Variants in HOXD9 observed in about 807,000 individuals in gnomAD.
HOXD9 encodes the protein homeobox D9, also known as homeobox protein Hox-D9.
HOXD9 carries 21 observed loss-of-function variants against 24.6 expected under a neutral mutation model. The observed-to-expected ratio is 0.85, with a 90% CI of 0.61 to 1.23. The LOEUF (loss-of-function observed/expected upper bound fraction) is 1.23. Among genes scored for constraint, HOXD9 ranks in the 50% most tolerant of loss-of-function variants. HOXD9 has a pLI of 0.00. For missense variants in HOXD9, 503 were observed against 503.6 expected, an observed-to-expected ratio of 1.00 and a Z score of 0.01; for synonymous variants, 240 against 226.4, an observed-to-expected ratio of 1.06 and a Z score of -0.54.
Position 176,124,216 on chromosome 2 carries a change from T to G in HOXD9, c.*41T>G, listed in dbSNP as rs774560342. Reference sequence around the variant, plus strand: ...GCGGGAGCGCTCAAGGGCAGCGGATTTGTTGTTGTTGCTGTTTTCCTTTGT... The same window carrying G: ...GCGGGAGCGCTCAAGGGCAGCGGATGTGTTGTTGTTGCTGTTTTCCTTTGT... On this transcript the variant is annotated 3_prime_UTR_variant, in exon 2 of 2. Transcript: ENST00000249499. 1 of 1,542,592 alleles carries G rather than the reference T, an allele frequency of 6.5e-7. No individual in the cohort carries two copies. Among genetic ancestry groups the G allele is most frequent in the South Asian group, 1.3e-5 (1 of 79,644 alleles).
At position 176,123,026 on chromosome 2, in the gene HOXD9, C is replaced by T. The variant is rs1303592974; in HGVS notation, c.258C>T (p.Pro86=). The change falls in exon 1 of 2, where the codon CCC becomes CCT. Residue 86 remains proline (P), a synonymous_variant. Transcript: ENST00000249499. The surrounding 1 kb of genome is among the most constrained non-coding windows in gnomAD (Gnocchi z 4.2). ...SASWSAVPSQ[P]PAAAAMSGLY... Reference sequence around the variant, plus strand: ...CGTGGTCCGCGGTGCCCTCCCAGCCCCCGGCAGCGGCGGCGATGAGCGGCC... The same window carrying T: ...CGTGGTCCGCGGTGCCCTCCCAGCCTCCGGCAGCGGCGGCGATGAGCGGCC... 6.3e-7 allele frequency: 1 copy of T among 1,588,808 alleles called. No individual in the cohort carries two copies. The highest frequency in any genetic ancestry group is 8.5e-7 in the Non-Finnish European group (1 of 1,170,284).
In HOXD9 at chr2:176,123,041, G is replaced by A; in HGVS notation, c.273G>A (p.Ala91=). The A allele has an allele frequency of 6.3e-7, 1 of 1,585,020 alleles. No homozygotes were observed. The highest frequency in any genetic ancestry group is 8.6e-7 in the Non-Finnish European group (1 of 1,168,708). The change falls in exon 1 of 2, where the codon GCG becomes GCA. Residue 91 remains alanine (A), a synonymous_variant. Coordinates refer to ENST00000249499, the MANE Select transcript of HOXD9 (RefSeq NM_014213.4). This position sits in a 1 kb window ranked among gnomAD's most constrained non-coding sequence, Gnocchi z 4.2. ...CCTCCCAGCCCCCGGCAGCGGCGGC[G>A]ATGAGCGGCCTCTACCACCCGTACG... ...AVPSQPPAAA[A]MSGLYHPYVP... is the part of the protein sequence containing the mutation.
rs1323161333 is a variant in HOXD9, at chr2:176,124,853, C to T, written c.*678C>T. On this transcript the variant is annotated 3_prime_UTR_variant, in exon 2 of 2. Coordinates refer to ENST00000249499, the MANE Select transcript of HOXD9 (RefSeq NM_014213.4). ...CCGCGGGTGGTGGCCCTCCCGGTTC[C>T]TGCCCGAGGACCAGTTGTAAATGTT... The T allele has an allele frequency of 6.6e-6, 1 of 152,478 alleles. No individual in the cohort carries two copies. The highest frequency in any genetic ancestry group is 1.5e-5 in the Non-Finnish European group (1 of 68,252). The allele number at this position is 152,478 out of a possible 1,614,324, so 9.4% of individuals were successfully genotyped here.
Position 176,124,887 on chromosome 2 carries a change from C to T in HOXD9, c.*712C>T, listed in dbSNP as rs966962702. ...GACCAGTTGTAAATGTTACTGCTTCCTACTAATAAATGCTGACCTGATCAA... is the reference window on the plus strand; with the variant it reads ...GACCAGTTGTAAATGTTACTGCTTCTTACTAATAAATGCTGACCTGATCAA... On this transcript the variant is annotated 3_prime_UTR_variant, in exon 2 of 2. Coordinates refer to ENST00000249499, the MANE Select transcript of HOXD9 (RefSeq NM_014213.4). The T allele has an allele frequency of 1.3e-5, 2 of 152,294 alleles. No homozygotes were observed. The highest frequency in any genetic ancestry group is 4.8e-5 in the African/African-American group (2 of 41,456). 9.4% of individuals were successfully genotyped at this position (152,294 alleles called of 1,614,324 possible).
At position 176,123,352 on chromosome 2, in the gene HOXD9, T is replaced by A. The variant is rs200376660; in HGVS notation, c.584T>A (p.Val195Glu). ...TCCTCCAAACGGACTGAGTGCTCCG[T>A]GGCCCGGGAGTCCCAGGGGAGCAGC... ...SSSSKRTECS[V>E]ARESQGSSGP... The change falls in exon 1 of 2, where the codon GTG becomes GAG. Residue 195 changes from valine (V) to glutamate (E), a missense_variant. Coordinates refer to ENST00000249499, the MANE Select transcript of HOXD9 (RefSeq NM_014213.4). This position sits in a 1 kb window ranked among gnomAD's most constrained non-coding sequence, Gnocchi z 4.2. The A allele has an allele frequency of 1.1e-4, 168 of 1,550,588 alleles. No individual in the cohort carries two copies. In the East Asian group the frequency reaches 3.5e-3, roughly 32 times the overall value.
At position 176,124,780 on chromosome 2, in the gene HOXD9, C is replaced by T. The variant is rs1689945376; in HGVS notation, c.*605C>T. The T allele has an allele frequency of 6.6e-6, 1 of 152,454 alleles. No homozygotes were observed. The highest frequency in any genetic ancestry group is 1.5e-5 in the Non-Finnish European group (1 of 68,222). 9.4% of individuals were successfully genotyped at this position (152,454 alleles called of 1,614,324 possible). A position where few individuals can be genotyped will look rare whatever the true frequency, so the allele number is the denominator to read the frequency against. On this transcript the variant is annotated 3_prime_UTR_variant, in exon 2 of 2. Coordinates refer to ENST00000249499, the MANE Select transcript of HOXD9 (RefSeq NM_014213.4). ...GGCGGGTTGGGGTTTGTCCTCAGTG[C>T]ATTGGACGCGCTGCTCTCTCCCCTG...
Position 176,122,774 on chromosome 2 carries a change from G to T in HOXD9, c.6G>T (p.Leu2Phe). The T allele has an allele frequency of 1.3e-6, 2 of 1,513,346 alleles. No homozygotes were observed. 93.7% of individuals were successfully genotyped at this position (1,513,346 alleles called of 1,614,324 possible). The change falls in exon 1 of 2, where the codon TTG becomes TTT. Residue 2 changes from leucine (L) to phenylalanine (F), a missense_variant. By Grantham distance (22) the Leu-to-Phe change is conservative (BLOSUM62 0). Coordinates refer to ENST00000249499, the MANE Select transcript of HOXD9 (RefSeq NM_014213.4). M[L>F]GGSAGRLKMS... ...GCTCGGCGGCGGACAGTGTAATGTT[G>T]GGTGGGAGTGCGGGACGCCTCAAAA...
Position 176,123,320 on chromosome 2 carries a change from ATCC to A in HOXD9, c.562_564del (p.Ser188del), listed in dbSNP as rs746053967. ...CCACCTCCTCCTCCTCCACTTCCTTATCCTCCTCCTCCAAACGGACTGAGTGCT... is the reference window on the plus strand; with the variant it reads ...CCACCTCCTCCTCCTCCACTTCCTTATCCTCCTCCAAACGGACTGAGTGCT... On this transcript the variant is annotated inframe_deletion, in exon 1 of 2. Coordinates refer to ENST00000249499, the MANE Select transcript of HOXD9 (RefSeq NM_014213.4). The surrounding 1 kb of genome is among the most constrained non-coding windows in gnomAD (Gnocchi z 4.2). The A allele has an allele frequency of 1.3e-6, 2 of 1,547,596 alleles. No homozygotes were observed. The highest frequency in any genetic ancestry group is 1.4e-5 in the African/African-American group (1 of 72,788).
chr2:176,124,606 A>C lies in HOXD9; in HGVS notation c.*431A>C, dbSNP rs1220510981. 1 of 154,498 alleles carries C rather than the reference A, an allele frequency of 6.5e-6. No individual in the cohort carries two copies. Among genetic ancestry groups the C allele is most frequent in the Non-Finnish European group, 1.4e-5 (1 of 69,328 alleles). 9.6% of individuals were successfully genotyped at this position (154,498 alleles called of 1,614,324 possible). Reference sequence around the variant, plus strand: ...GCGCCCCAATTCCAAGAATGAAGGCAGAGCGACAACAGTGCGGACACCCCG... The same window carrying C: ...GCGCCCCAATTCCAAGAATGAAGGCCGAGCGACAACAGTGCGGACACCCCG... On this transcript the variant is annotated 3_prime_UTR_variant, in exon 2 of 2. Coordinates refer to ENST00000249499, the MANE Select transcript of HOXD9 (RefSeq NM_014213.4).
In HOXD9 at chr2:176,122,919, G is replaced by A. The variant is rs769979036; in HGVS notation, c.151G>A (p.Gly51Ser). Residue 51 changes from glycine (G) to serine (S), a missense_variant, in exon 1 of 2, where the codon GGT (glycine) becomes AGT (serine). Coordinates refer to ENST00000249499, the MANE Select transcript of HOXD9 (RefSeq NM_014213.4). ...GCCAGGCGCGCAGGGCCGGCCTGCAGGTGTGGCTGATGGCCCGGCCGCCAC... is the reference window on the plus strand; with the variant it reads ...GCCAGGCGCGCAGGGCCGGCCTGCAAGTGTGGCTGATGGCCCGGCCGCCAC... ...PGPGAQGRPA[G>S]VADGPAATAA... The A allele has an allele frequency of 3.8e-6, 6 of 1,587,268 alleles. No individual in the cohort carries two copies. The East Asian group carries it at 1.4e-4, about 38-fold the overall frequency.
Position 176,124,295 on chromosome 2 carries a change from C to CTT in HOXD9, c.*130_*131dup, listed in dbSNP as rs762379004. The CTT allele has an allele frequency of 1.1e-4, 129 of 1,197,846 alleles. No individual in the cohort carries two copies. Among genetic ancestry groups the CTT allele is most frequent in the African/African-American group, 5.8e-4 (37 of 63,560 alleles). The allele number at this position is 1,197,846 out of a possible 1,614,324, so 74.2% of individuals were successfully genotyped here. On this transcript the variant is annotated 3_prime_UTR_variant, in exon 2 of 2. Transcript: ENST00000249499. The stretch of plus-strand genomic sequence containing the variant: ...TCTCCAGCGACTTGGACTTCTTCTT[C>CTT]TTTTTTTTTTTCTTTTTAGATAGAA...
chr2:176,123,691 C>T lies in HOXD9; in HGVS notation c.817+106C>T. ...CCTATAAAAACGTCTAGACGCCTAC[C>T]CAAGCCTAGGCGAACAACATGCATC... On this transcript the variant is annotated intron_variant, in intron 1 of 1. Transcript: ENST00000249499. The surrounding 1 kb of genome is among the most constrained non-coding windows in gnomAD (Gnocchi z 4.2). 7.3e-7 allele frequency: 1 copy of T among 1,370,428 alleles called. No individual in the cohort carries two copies. Among genetic ancestry groups the T allele is most frequent in the Non-Finnish European group, 9.6e-7 (1 of 1,038,542 alleles). 84.9% of individuals were successfully genotyped at this position (1,370,428 alleles called of 1,614,324 possible).
In HOXD9 at chr2:176,123,024, C is replaced by G; in HGVS notation, c.256C>G (p.Pro86Ala). ...SASWSAVPSQPPAAAAMSGLY... is the reference protein window; with the variant it reads ...SASWSAVPSQAPAAAAMSGLY... ...CTCGTGGTCCGCGGTGCCCTCCCAG[C>G]CCCCGGCAGCGGCGGCGATGAGCGG... The change falls in exon 1 of 2, where the codon CCC becomes GCC. Residue 86 changes from proline to alanine, a missense_variant. Coordinates refer to ENST00000249499, the MANE Select transcript of HOXD9 (RefSeq NM_014213.4). The surrounding 1 kb of genome is among the most constrained non-coding windows in gnomAD (Gnocchi z 4.2). The G allele has an allele frequency of 5.0e-6, 8 of 1,588,332 alleles. No homozygotes were observed. Among genetic ancestry groups the G allele is most frequent in the Non-Finnish European group, 6.8e-6 (8 of 1,169,974 alleles).
rs775304949 is a variant in HOXD9, at chr2:176,123,556, C to A, written c.788C>A (p.Ser263Ter). The change falls in exon 1 of 2, where the codon TCG (serine) becomes TAG (stop). Residue 263 changes from serine to a stop codon, truncating the protein, a stop_gained. Coordinates refer to ENST00000249499, the MANE Select transcript of HOXD9 (RefSeq NM_014213.4). LOFTEE classifies it high-confidence loss of function. This position sits in a 1 kb window ranked among gnomAD's most constrained non-coding sequence, Gnocchi z 4.2. ...CSLKEEEKQH[S>*]QPQQQQLDPN... is the part of the protein sequence containing the mutation. ...CTGAAGGAGGAGGAGAAGCAGCATT[C>A]GCAGCCGCAGCAGCAGCAACTTGAC... 4 of 1,462,798 alleles carry A rather than the reference C, an allele frequency of 2.7e-6. No individual in the cohort carries two copies. Among genetic ancestry groups the A allele is most frequent in the Non-Finnish European group, 3.6e-6 (4 of 1,104,956 alleles). 90.6% of individuals were successfully genotyped at this position (1,462,798 alleles called of 1,614,324 possible). A position where few individuals can be genotyped will look rare whatever the true frequency, so the allele number is the denominator to read the frequency against.
rs757230770 is a variant in HOXD9, at chr2:176,122,810, T to C, written c.42T>C (p.Ser14=). ...CGGGACGCCTCAAAATGTCTTCCAG[T>C]GGCACCCTCAGCAACTACTACGTGG... ...GSAGRLKMSS[S]GTLSNYYVDS... The change falls in exon 1 of 2, where the codon AGT becomes AGC. Residue 14 remains serine, a synonymous_variant. Transcript: ENST00000249499. 5 of 1,544,874 alleles carry C rather than the reference T, an allele frequency of 3.2e-6. No individual in the cohort carries two copies. Among genetic ancestry groups the C allele is most frequent in the African/African-American group, 1.4e-5 (1 of 69,516 alleles).
chr2:176,122,772 TTGGG>T lies in HOXD9; in HGVS notation c.9_12del (p.Gly4ValfsTer22). 6.6e-7 allele frequency: 1 copy of T among 1,509,662 alleles called. No homozygotes were observed. The highest frequency in any genetic ancestry group is 8.8e-7 in the Non-Finnish European group (1 of 1,133,322). 93.5% of individuals were successfully genotyped at this position (1,509,662 alleles called of 1,614,324 possible). ...CTGCTCGGCGGCGGACAGTGTAATG[TTGGG>T]TGGGAGTGCGGGACGCCTCAAAATG... On this transcript the variant is annotated frameshift_variant, in exon 1 of 2. Transcript: ENST00000249499. LOFTEE classifies it high-confidence loss of function.
In HOXD9 at chr2:176,124,178, C is replaced by T. The variant is rs753660337; in HGVS notation, c.*3C>T. The T allele has an allele frequency of 1.6e-5, 26 of 1,601,558 alleles. No individual in the cohort carries two copies. Among genetic ancestry groups the T allele is most frequent in the Non-Finnish European group, 2.1e-5 (25 of 1,170,624 alleles). ...AGAAATGCCCCAAAGGAGACTGACC[C>T]GGCGCGGTGCTGGCGGGAGCGCTCA... On this transcript the variant is annotated 3_prime_UTR_variant, in exon 2 of 2. Transcript: ENST00000249499.
In HOXD9 at chr2:176,124,159, G is replaced by GC. The variant is rs759158050; in HGVS notation, c.1047dup (p.Lys350GlnfsTer32). 34 of 1,609,956 alleles carry GC rather than the reference G, an allele frequency of 2.1e-5. No individual in the cohort carries two copies. Among genetic ancestry groups the GC allele is most frequent in the Non-Finnish European group, 2.9e-5 (34 of 1,176,724 alleles). On this transcript the variant is annotated frameshift_variant, in exon 2 of 2. Transcript: ENST00000249499. LOFTEE classifies it high-confidence loss of function. Reference sequence around the variant, plus strand: ...ATGAAAAAGATGAGCAAGGAGAAATGCCCCAAAGGAGACTGACCCGGCGCG... The same window carrying GC: ...ATGAAAAAGATGAGCAAGGAGAAATGCCCCCAAAGGAGACTGACCCGGCGCG...
Position 176,122,757 on chromosome 2 carries a change from GC to G in HOXD9, c.-11del. The G allele has an allele frequency of 6.8e-7, 1 of 1,469,748 alleles. No homozygotes were observed. The highest frequency in any genetic ancestry group is 2.6e-5 in the East Asian group (1 of 37,842). 91.0% of individuals were successfully genotyped at this position (1,469,748 alleles called of 1,614,324 possible). On this transcript the variant is annotated 5_prime_UTR_variant, in exon 1 of 2. Coordinates refer to ENST00000249499, the MANE Select transcript of HOXD9 (RefSeq NM_014213.4). ...GGCGCCGGCGGGGAGCTGCTCGGCG[GC>G]GGACAGTGTAATGTTGGGTGGGAGT...
Sources: allele counts gnomAD v4.1 joint callset, GRCh38; gene constraint gnomAD v4.1.1; non-coding constraint Gnocchi (gnomAD v3.1); transcripts MANE v1.5; gene names NCBI Gene and HGNC (gene_info 2026-07-23, HGNC 2026-07-21).